NDUFC2: variants seen among roughly 807,000 people sequenced by gnomAD.
NDUFC2 encodes the protein NADH:ubiquinone oxidoreductase subunit C2.
Under a neutral mutation model 10.1 loss-of-function variants are expected in NDUFC2, and 2 were observed. The ratio of observed to expected loss-of-function variants is 0.20; its 90% confidence interval spans 0.08 to 0.62. NDUFC2 has a LOEUF of 0.62. Ranked by LOEUF, NDUFC2 falls within the 20% of genes least tolerant of loss-of-function variation. The pLI is 0.87. For missense variants in NDUFC2, 156 were observed against 159.6 expected, an observed-to-expected ratio of 0.98 and a Z score of 0.12; for synonymous variants, 61 against 63.6, an observed-to-expected ratio of 0.96 and a Z score of 0.20.
chr11:78,072,272 G>C (rs904744986), intron 2 of NDUFC2, among the ~76,000 whole-genome samples: 1 of 152,168 alleles, frequency 6.6e-6, no homozygotes, highest in African/African-American at 2.4e-5. Context: ...CCGCCTCCCA[G>C]GTTCAAGCGA....
intron 2 of NDUFC2, 109 bp downstream of exon 2, chr11:78,072,889 G>A (rs1290574536): frequency 7.0e-7 from 1 of 1,428,394 alleles, no homozygotes; most frequent in African/African-American, 1.4e-5. Context: ...ACTAAGATGT[G>A]GGAGTCAACA....
At position 78,078,728 on chromosome 11, in the gene NDUFC2, C is replaced by CTTTTTTTTTTTTTTTTTTTTTTTTTTTT. The variant is rs71046953; in HGVS notation, c.166+850_166+851insAAAAAAAAAAAAAAAAAAAAAAAAAAAA. Among the ~76,000 whole-genome samples, 67 of 61,608 alleles carry CTTTTTTTTTTTTTTTTTTTTTTTTTTTT rather than the reference C, an allele frequency of 1.1e-3. 19 individuals are homozygous for CTTTTTTTTTTTTTTTTTTTTTTTTTTTT. The highest frequency in any genetic ancestry group is 1.9e-3 in the African/African-American group (31 of 16,012). The allele number at this position is 61,608 out of a possible 152,430, so 40.4% of individuals were successfully genotyped here. On this transcript the variant is annotated intron_variant, in intron 1 of 2. Transcript: ENST00000281031. Reference sequence around the variant, plus strand: ...CCCAGACCTCATGAATCAGGATCCGCTTTTTTTTTTTTTTTGAGACAGGGT... The same window carrying CTTTTTTTTTTTTTTTTTTTTTTTTTTTT: ...CCCAGACCTCATGAATCAGGATCCGCTTTTTTTTTTTTTTTTTTTTTTTTTTTTTTTTTTTTTTTTTTTGAGACAGGGT...
At chr11:78,073,471 G>A (rs1000751897) in intron 1 of NDUFC2, among the ~76,000 whole-genome samples, 2 of 151,362 alleles carry the variant, frequency 1.3e-5, no homozygotes, top group Non-Finnish European at 2.9e-5. Context: ...CAGCCTGGGT[G>A]ACAAAGCGCC....
intron 2 of NDUFC2, among the ~76,000 whole-genome samples, chr11:78,072,071 G>T (rs547591320): frequency 2.0e-5 from 3 of 152,366 alleles, no homozygotes; most frequent in African/African-American, 7.2e-5. Context: ...TGTGGGTAAA[G>T]TGTTTCTACC....
intron 2 of NDUFC2, among the ~76,000 whole-genome samples, chr11:78,071,910 A>G (rs1181443453): frequency 6.6e-6 from 1 of 152,226 alleles, no homozygotes; most frequent in East Asian, 1.9e-4. Context: ...GTGATGAGGA[A>G]TGAGGAAGTA....
Position 78,079,561 on chromosome 11 carries a change from C to T in NDUFC2, c.166+18G>A, listed in dbSNP as rs1859422134. ...GACCCCTTCTCCTCCCAGCCGATCCCGGCCGCGCAGCACTCACCAGCCGTC... is the reference window on the plus strand; with the variant it reads ...GACCCCTTCTCCTCCCAGCCGATCCTGGCCGCGCAGCACTCACCAGCCGTC... On this transcript the variant is annotated intron_variant, in intron 1 of 2. Coordinates refer to ENST00000281031, the MANE Select transcript of NDUFC2 (RefSeq NM_004549.6). 1.3e-6 allele frequency: 2 copies of T among 1,547,830 alleles called. No homozygotes were observed. Among genetic ancestry groups the T allele is most frequent in the African/African-American group, 1.4e-5 (1 of 72,760 alleles).
rs1858900022 is a variant in NDUFC2 at position 78,069,554 on chromosome 11, CA to C, written c.*432del. 4 of 318,602 alleles carry C rather than the reference CA, an allele frequency of 1.3e-5. No homozygotes were observed. The highest frequency in any genetic ancestry group is 6.5e-5 in the African/African-American group (3 of 46,038). 19.7% of individuals were successfully genotyped at this position (318,602 alleles called of 1,614,324 possible). On this transcript the variant is annotated 3_prime_UTR_variant, in exon 3 of 3. Coordinates refer to ENST00000281031, the MANE Select transcript of NDUFC2 (RefSeq NM_004549.6). ...ACTCTAAATTCACTTTGCACTAGGA[CA>C]GGGGCAGGCAAACCTTTTCTGAAAG...
chr11:78,074,031 C>CT (rs879281715), intron 1 of NDUFC2, among the ~76,000 whole-genome samples: 4 of 143,988 alleles, frequency 2.8e-5, no homozygotes, highest in Non-Finnish European at 6.1e-5. Context: ...ACCACCATGC[C>CT]TTTTTTCTTT....
intron 1 of NDUFC2, among the ~76,000 whole-genome samples, chr11:78,076,843 C>T (rs116476501): frequency 0.02 from 3,039 of 152,282 alleles, 100 homozygotes; most frequent in African/African-American, 0.07. Flanking sequence ...AGAGCATTCT[C>T]CCTCCCAACT....
At chr11:78,072,788 G>A (rs1859064537) in intron 2 of NDUFC2, 1 of 661,706 alleles carries the variant, frequency 1.5e-6, no homozygotes, top group Non-Finnish European at 2.5e-6. Flanking sequence ...GTTTGGGAAG[G>A]CAGAGGGGAT....
At chr11:78,071,333 C>T (rs548692761) in intron 2 of NDUFC2, among the ~76,000 whole-genome samples, 56 of 148,856 alleles carry the variant, frequency 3.8e-4, no homozygotes, top group African/African-American at 1.4e-3. Flanking sequence ...TCACGGCTCA[C>T]GGCACCTTGT....
rs1477023283 is a variant in NDUFC2 at position 78,069,978 on chromosome 11, T to G, written c.*9A>C. Reference sequence around the variant, plus strand: ...TATCAGTGAAACTGGAGCAAGCATTTTGAAGACTTCAACGTATTGGATGGA... The same window carrying G: ...TATCAGTGAAACTGGAGCAAGCATTGTGAAGACTTCAACGTATTGGATGGA... On this transcript the variant is annotated 3_prime_UTR_variant, in exon 3 of 3. Transcript: ENST00000281031. The G allele has an allele frequency of 1.2e-6, 2 of 1,612,244 alleles. No individual in the cohort carries two copies. Among genetic ancestry groups the G allele is most frequent in the Non-Finnish European group, 1.7e-6 (2 of 1,178,954 alleles).
chr11:78,074,407 G>A (rs11237378), intron 1 of NDUFC2, among the ~76,000 whole-genome samples: 53,060 of 151,632 alleles, frequency 0.35, 11,068 homozygotes, highest in Non-Finnish European at 0.45. Flanking sequence ...GAGGTCAGGA[G>A]TTCAAGACCA....
Position 78,079,608 on chromosome 11 carries a change from A to C in NDUFC2, c.137T>G (p.Leu46Arg). Residue 46 changes from leucine to arginine, a missense_variant, in exon 1 of 3, where the codon CTA becomes CGA. Coordinates refer to ENST00000281031, the MANE Select transcript of NDUFC2 (RefSeq NM_004549.6). The part of the protein sequence containing the change: ...LGYCSGLIDN[L>R]IRRRPIATAG... ...CGTCGCGATCGGCCTCCGCCGGATTAGGTTATCAATCAGGCCGGAGCAGTA... is the reference window on the plus strand; with the variant it reads ...CGTCGCGATCGGCCTCCGCCGGATTCGGTTATCAATCAGGCCGGAGCAGTA... 1 of 1,561,748 alleles carries C rather than the reference A, an allele frequency of 6.4e-7. No homozygotes were observed. The highest frequency in any genetic ancestry group is 8.7e-7 in the Non-Finnish European group (1 of 1,153,516).
intron 1 of NDUFC2, 145 bp downstream of exon 1, chr11:78,079,434 G>A: frequency 1.7e-6 from 2 of 1,179,878 alleles, no homozygotes. Context: ...CTAATGGGGC[G>A]CGGACTCCCC....
chr11:78,079,793 G>C lies in NDUFC2; in HGVS notation c.-49C>G. The stretch of plus-strand genomic sequence containing the variant: ...CCTGGTCTCAGACCACGAACTACAA[G>C]GAAAACCACGACGACCACTACCCCG... On this transcript the variant is annotated 5_prime_UTR_variant, in exon 1 of 3. Coordinates refer to ENST00000281031, the MANE Select transcript of NDUFC2 (RefSeq NM_004549.6). 1.9e-6 allele frequency: 3 copies of C among 1,558,464 alleles called. No individual in the cohort carries two copies. The highest frequency in any genetic ancestry group is 1.2e-5 in the South Asian group (1 of 83,996).
chr11:78,073,316 A>G (rs1859096313), intron 1 of NDUFC2, among the ~76,000 whole-genome samples, 175 bp from the exon 2 acceptor site: 1 of 151,232 alleles, frequency 6.6e-6, no homozygotes, highest in African/African-American at 2.4e-5. Flanking sequence ...ACATGGTGAA[A>G]CCCTGTCTCT....
chr11:78,079,861 T>TCC lies in NDUFC2; in HGVS notation c.-118_-117insGG. On this transcript the variant is annotated 5_prime_UTR_variant, in exon 1 of 3. Coordinates refer to ENST00000281031, the MANE Select transcript of NDUFC2 (RefSeq NM_004549.6). ...TCTCCTCCTCCTCTGCGCGCCGGAC[T>TCC]CACGGGCACGGCGCAGCGCGGTGCA... is the stretch of plus-strand genomic sequence containing the variant. 7.1e-7 allele frequency: 1 copy of TCC among 1,408,308 alleles called. No homozygotes were observed. Among genetic ancestry groups the TCC allele is most frequent in the African/African-American group, 1.5e-5 (1 of 66,634 alleles). 87.2% of individuals were successfully genotyped at this position (1,408,308 alleles called of 1,614,324 possible).
rs1421063535 is a variant in NDUFC2 at position 78,079,610 on chromosome 11, G to T, written c.135C>A (p.Asn45Lys). Residue 45 changes from asparagine to lysine, a missense_variant, in exon 1 of 3, where the codon AAC (asparagine) becomes AAA (lysine). By Grantham distance (94) the Asn-to-Lys change is moderately conservative. Transcript: ENST00000281031. ...FLGYCSGLID[N>K]LIRRRPIATA... ...TCGCGATCGGCCTCCGCCGGATTAG[G>T]TTATCAATCAGGCCGGAGCAGTAGC... 1 of 1,563,084 alleles carries T rather than the reference G, an allele frequency of 6.4e-7. No individual in the cohort carries two copies. Among genetic ancestry groups the T allele is most frequent in the Non-Finnish European group, 8.7e-7 (1 of 1,154,338 alleles).
Sources: allele counts gnomAD v4.1 joint callset (sites outside exome capture counted in the v4.1 genomes callset), GRCh38; gene constraint gnomAD v4.1.1; transcripts MANE v1.5; gene names NCBI Gene and HGNC (gene_info 2026-07-23, HGNC 2026-07-21).